Variants in PCDH15 observed in about 807,000 individuals in gnomAD.
The protein encoded by PCDH15 is protocadherin-15.
Under a neutral mutation model 178.5 loss-of-function variants are expected in PCDH15, and 129 were observed. The observed-to-expected ratio is 0.72, with a 90% CI of 0.63 to 0.84. The LOEUF is 0.84. Ranked by LOEUF, PCDH15 falls within the 40% of genes least tolerant of loss-of-function variation. The probability of loss-of-function intolerance (pLI) is 0.00; values close to 1 mark genes in which losing one functional copy is unlikely to be tolerated. For missense variants in PCDH15, 2,230 were observed against 2,099.9 expected (o/e 1.06, Z -1.21); for synonymous variants, 800 against 732.0 (o/e 1.09, Z -1.50).
intron 14 of PCDH15, among the ~76,000 whole-genome samples, chr10:54,149,147 GGGAT>G (rs1590797060): frequency 1.3e-5 from 2 of 152,048 alleles, no homozygotes; most frequent in East Asian, 3.9e-4. Flanking sequence ...CTCTTATTGT[GGGAT>G]GACTTCTTGG....
At chr10:54,734,499 T>G (rs1943822374) in intron 1 of PCDH15, among the ~76,000 whole-genome samples, 1 of 151,950 alleles carries the variant, frequency 6.6e-6, no homozygotes, top group African/African-American at 2.4e-5. Context: ...AGTCTGCCAG[T>G]TTTTAAAAAG....
intron 3 of PCDH15, among the ~76,000 whole-genome samples, chr10:54,442,461 C>T (rs11004309): frequency 1.1e-3 from 69 of 62,176 alleles, no homozygotes; most frequent in African/African-American, 2.7e-3. Flanking sequence ...TATATATATA[C>T]AGTCTTTTTT....
At chr10:54,030,845 A>T (rs972271696) in intron 18 of PCDH15, among the ~76,000 whole-genome samples, 3 of 151,834 alleles carry the variant, frequency 2.0e-5, no homozygotes, top group Non-Finnish European at 2.9e-5. Flanking sequence ...GAAACTCTCA[A>T]GTGTCAGTGG....
intron 9 of PCDH15, among the ~76,000 whole-genome samples, chr10:54,235,219 C>T (rs1358339056): frequency 1.3e-5 from 2 of 152,144 alleles, no homozygotes; most frequent in Admixed American, 6.5e-5. Flanking sequence ...ATCGATTTTT[C>T]CCATAGCATT....
intron 2 of PCDH15, among the ~76,000 whole-genome samples, chr10:55,425,671 CAA>C (rs756770818): frequency 6.7e-6 from 1 of 148,302 alleles, no homozygotes; most frequent in East Asian, 2.0e-4. Context: ...CACACACACA[CAA>C]AAAAAAACAG....
At chr10:55,432,644 T>C (rs1838911090) in intron 2 of PCDH15, among the ~76,000 whole-genome samples, 2 of 152,190 alleles carry the variant, frequency 1.3e-5, no homozygotes, top group Admixed American at 6.5e-5. Context: ...ATATAAAACA[T>C]ACCATTTTGC....
intron 13 of PCDH15, among the ~76,000 whole-genome samples, chr10:54,175,423 T>C (rs1056853668): frequency 1.3e-5 from 2 of 152,194 alleles, no homozygotes; most frequent in Admixed American, 6.5e-5. Context: ...CTCAGAAGTA[T>C]ATACAGATAA....
intron 2 of PCDH15, among the ~76,000 whole-genome samples, chr10:55,344,866 C>G (rs1045650221): frequency 1.3e-5 from 2 of 152,038 alleles, no homozygotes; most frequent in African/African-American, 4.8e-5. Context: ...GGATTGCACT[C>G]TGGGTCTGCC....
chr10:55,096,878 A>T (rs1192842889), intron 2 of PCDH15, among the ~76,000 whole-genome samples: 1 of 152,092 alleles, frequency 6.6e-6, no homozygotes, highest in Non-Finnish European at 1.5e-5. Flanking sequence ...GAACTAGCAA[A>T]CTTCCAGTAT....
chr10:54,535,931 T>C (rs2132839934), intron 2 of PCDH15, among the ~76,000 whole-genome samples: 1 of 152,298 alleles, frequency 6.6e-6, no homozygotes, highest in South Asian at 2.1e-4. Flanking sequence ...ATAATTCTCT[T>C]ACATATAATT....
chr10:54,676,466 A>C (rs2094792534), intron 1 of PCDH15, among the ~76,000 whole-genome samples: 1 of 152,166 alleles, frequency 6.6e-6, no homozygotes, highest in Non-Finnish European at 1.5e-5. Context: ...GTATGATTTT[A>C]ATATTTTTGT....
chr10:54,941,852 A>G (rs1838071552), intron 2 of PCDH15, among the ~76,000 whole-genome samples: 2 of 152,172 alleles, frequency 1.3e-5, no homozygotes, highest in South Asian at 4.1e-4. Flanking sequence ...TTGATCTTCA[A>G]ATGATTCAGC....
At position 55,519,887 on chromosome 10, in the gene PCDH15, A is replaced by G. The variant is rs535102799; in HGVS notation, c.-156+107738T>C. 2.0e-5 allele frequency among the ~76,000 whole-genome samples: 3 copies of G among 151,114 alleles called. No homozygotes were observed. The South Asian group carries it at 6.2e-4, about 31-fold the overall frequency. ...CCTCTTGAAGAGGTAATGCAACATGAAAATGTTTAATAGATATGTGATATT... is the reference window on the plus strand; with the variant it reads ...CCTCTTGAAGAGGTAATGCAACATGGAAATGTTTAATAGATATGTGATATT... On this transcript the variant is annotated intron_variant, in intron 2 of 5. Coordinates refer to the PCDH15 transcript ENST00000613346.
chr10:54,858,518 A>G (rs1049032944), intron 3 of PCDH15, among the ~76,000 whole-genome samples: 3 of 152,086 alleles, frequency 2.0e-5, no homozygotes, highest in South Asian at 2.1e-4. Context: ...TCTTAGCTCC[A>G]GTATATTTTT....
intron 2 of PCDH15, among the ~76,000 whole-genome samples, chr10:54,548,856 T>C (rs1464657790): frequency 6.6e-6 from 1 of 151,240 alleles, no homozygotes; most frequent in Non-Finnish European, 1.5e-5. Flanking sequence ...TTTTTGAGCC[T>C]GGGGTTTATT....
In PCDH15 at chr10:55,463,615, C is replaced by T. The variant is rs184215952; in HGVS notation, c.-156+164010G>A. 2.1e-3 allele frequency among the ~76,000 whole-genome samples: 322 copies of T among 152,108 alleles called. 2 individuals carry two copies. The highest frequency in any genetic ancestry group is 5.2e-3 in the African/African-American group (217 of 41,518). On this transcript the variant is annotated intron_variant, in intron 2 of 5. Transcript: ENST00000613346. ...TGCAGGCTGCAGTGAGCCATGATCACGCCACTGCCCAATGTATGTGACACT... is the reference window on the plus strand; with the variant it reads ...TGCAGGCTGCAGTGAGCCATGATCATGCCACTGCCCAATGTATGTGACACT...
chr10:54,526,076 C>T (rs2083334817), intron 3 of PCDH15, among the ~76,000 whole-genome samples: 1 of 152,128 alleles, frequency 6.6e-6, no homozygotes, highest in African/African-American at 2.4e-5. Flanking sequence ...ATGTCATTTT[C>T]TTCTAAAACA....
At chr10:54,627,887 G>C (rs1385287751) in intron 2 of PCDH15, among the ~76,000 whole-genome samples, 1 of 152,184 alleles carries the variant, frequency 6.6e-6, no homozygotes, top group African/African-American at 2.4e-5. Flanking sequence ...AATGCTCGGA[G>C]GAGCCTGACT....
rs146778937 is a variant in PCDH15 at position 54,425,365 on chromosome 10, C to T, written c.158-46423G>A. On this transcript the variant is annotated intron_variant, in intron 3 of 37. Coordinates refer to ENST00000644397, the MANE Select transcript of PCDH15 (RefSeq NM_001384140.1). ...AGCATGTTAGCATTCTCAGCCCTCT[C>T]GCCATATGATACCCTGTGCTACCTT... Among the ~76,000 whole-genome samples the T allele has an allele frequency of 8.9e-3, 1,357 of 152,182 alleles. 9 individuals carry two copies. Among genetic ancestry groups the T allele is most frequent in the Middle Eastern group, 0.048 (14 of 294 alleles).
Sources: gnomAD v4.1 joint callset for allele counts (sites outside exome capture counted in the v4.1 genomes callset) on GRCh38, gnomAD v4.1.1 for gene constraint, MANE v1.5 for transcripts, NCBI Gene and HGNC (gene_info 2026-07-23, HGNC 2026-07-21) for gene names.